ROBO2: variants seen among roughly 807,000 people sequenced by gnomAD.
ROBO2 encodes the protein roundabout guidance receptor 2.
In ROBO2, 53 loss-of-function variants were observed where a neutral mutation model predicts 160.8. The observed-to-expected ratio is 0.33, with a 90% CI of 0.26 to 0.41. The LOEUF (loss-of-function observed/expected upper bound fraction) is 0.41. ROBO2 is among the 10% of genes least tolerant of loss of function. The pLI, the probability that ROBO2 is intolerant of heterozygous loss-of-function variation, is 1.00. For synonymous variants in ROBO2, 664 were observed against 611.7 expected, an observed-to-expected ratio of 1.09 and a Z score of -1.26; for missense variants, 1,577 against 1,722.4, an observed-to-expected ratio of 0.92 and a Z score of 1.49.
intron 2 of ROBO2, among the ~76,000 whole-genome samples, chr3:76,074,262 C>T (rs1319353881): frequency 6.6e-6 from 1 of 152,188 alleles, no homozygotes; most frequent in East Asian, 1.9e-4. Flanking sequence ...GCTTCAGTTT[C>T]AGCAGATAAT....
At chr3:76,827,899 C>T (rs2066724975) in intron 2 of ROBO2, among the ~76,000 whole-genome samples, 1 of 152,042 alleles carries the variant, frequency 6.6e-6, no homozygotes, top group African/African-American at 2.4e-5. Flanking sequence ...TACATAACCA[C>T]TGAAGCAGAA....
intron 2 of ROBO2, among the ~76,000 whole-genome samples, chr3:76,201,424 C>G (rs1451988410): frequency 6.6e-6 from 1 of 152,132 alleles, no homozygotes; most frequent in Non-Finnish European, 1.5e-5. Context: ...AGGATGAAGA[C>G]TTACCTTAAG....
At chr3:77,521,506 G>A (rs2090594202) in intron 5 of ROBO2, among the ~76,000 whole-genome samples, 1 of 151,288 alleles carries the variant, frequency 6.6e-6, no homozygotes, top group African/African-American at 2.4e-5. Flanking sequence ...CACAATGAAA[G>A]TAGTGGATAA....
At chr3:76,261,383 A>G (rs1706752090) in intron 2 of ROBO2, among the ~76,000 whole-genome samples, 1 of 151,786 alleles carries the variant, frequency 6.6e-6, no homozygotes. Context: ...AATTTCTTAT[A>G]TGATTTTAAG....
At chr3:76,420,742 A>G (rs1350370454) in intron 2 of ROBO2, among the ~76,000 whole-genome samples, 2 of 152,230 alleles carry the variant, frequency 1.3e-5, no homozygotes, top group Non-Finnish European at 2.9e-5. Flanking sequence ...CTATTTTTAA[A>G]TTAAACATTT....
chr3:76,312,966 T>C (rs549735828), intron 2 of ROBO2, among the ~76,000 whole-genome samples: 5 of 152,216 alleles, frequency 3.3e-5, no homozygotes, highest in Non-Finnish European at 7.3e-5. Context: ...GTAAATCAAG[T>C]CTGAAATGTT....
intron 2 of ROBO2, among the ~76,000 whole-genome samples, chr3:76,745,013 G>T (rs753583776): frequency 6.6e-6 from 1 of 152,060 alleles, no homozygotes; most frequent in Non-Finnish European, 1.5e-5. Context: ...CTAATTCTAC[G>T]AATGTTCTGT....
At chr3:76,910,229 T>G (rs1559688531) in intron 2 of ROBO2, among the ~76,000 whole-genome samples, 1 of 152,146 alleles carries the variant, frequency 6.6e-6, no homozygotes, top group Non-Finnish European at 1.5e-5. Flanking sequence ...ATCTTTGAAA[T>G]TTATTAAGTC....
At chr3:77,383,063 AT>A (rs1288853846) in intron 2 of ROBO2, among the ~76,000 whole-genome samples, 2 of 152,178 alleles carry the variant, frequency 1.3e-5, no homozygotes, top group African/African-American at 4.8e-5. Flanking sequence ...AATAGAAACT[AT>A]TTGCATATGC....
chr3:77,489,197 G>T, intron 4 of ROBO2, among the ~76,000 whole-genome samples: 1 of 152,174 alleles, frequency 6.6e-6, no homozygotes, highest in Admixed American at 6.5e-5. Flanking sequence ...CCATGTTGAT[G>T]TGTCATGTAT....
chr3:76,234,801 C>T (rs1306811135), intron 2 of ROBO2, among the ~76,000 whole-genome samples: 1 of 152,070 alleles, frequency 6.6e-6, no homozygotes, highest in Non-Finnish European at 1.5e-5. Flanking sequence ...TTGTTCTTTC[C>T]AATTATCTTT....
At chr3:76,598,294 G>GT (rs943424775) in intron 2 of ROBO2, among the ~76,000 whole-genome samples, 12 of 151,760 alleles carry the variant, frequency 7.9e-5, no homozygotes, top group Non-Finnish European at 1.3e-4. Flanking sequence ...GAGGAAAGTG[G>GT]TTTTTTTTGT....
chr3:77,389,647 C>A (rs995375505), intron 2 of ROBO2, among the ~76,000 whole-genome samples: 11 of 151,538 alleles, frequency 7.3e-5, no homozygotes, highest in African/African-American at 2.7e-4. Context: ...CTTCTTCTTC[C>A]CTTTTTCCTT....
At chr3:76,842,030 G>A (rs879695060) in intron 2 of ROBO2, among the ~76,000 whole-genome samples, 1 of 152,186 alleles carries the variant, frequency 6.6e-6, no homozygotes, top group Non-Finnish European at 1.5e-5. Context: ...TCAGCAAGGG[G>A]AAAGTTGTGT....
At chr3:76,235,574 AG>A (rs1704891855) in intron 2 of ROBO2, among the ~76,000 whole-genome samples, 1 of 152,180 alleles carries the variant, frequency 6.6e-6, no homozygotes, top group Non-Finnish European at 1.5e-5. Context: ...ATTCTGAATT[AG>A]TATTGAAGAA....
chr3:76,075,882 T>C (rs2068631144), intron 2 of ROBO2, among the ~76,000 whole-genome samples: 1 of 152,224 alleles, frequency 6.6e-6, no homozygotes. Flanking sequence ...ATCAGGAAGA[T>C]ACAGTAACTT....
intron 2 of ROBO2, among the ~76,000 whole-genome samples, chr3:76,306,833 A>G (rs1443681739): frequency 6.6e-6 from 1 of 152,122 alleles, no homozygotes; most frequent in African/African-American, 2.4e-5. Flanking sequence ...GTCTCTTTCT[A>G]TTTATTCCCA....
At chr3:76,450,437 A>T (rs1055967596) in intron 2 of ROBO2, among the ~76,000 whole-genome samples, 13 of 152,178 alleles carry the variant, frequency 8.5e-5, no homozygotes, top group African/African-American at 2.9e-4. Context: ...TTTTAAAGTA[A>T]AATATTTTTA....
chr3:77,217,256 C>T (rs1289049350), intron 2 of ROBO2, among the ~76,000 whole-genome samples: 1 of 152,098 alleles, frequency 6.6e-6, no homozygotes, highest in African/African-American at 2.4e-5. Context: ...AATTCTCCTA[C>T]CTCAGCCTCC....
Sources: allele counts gnomAD v4.1 joint callset (sites outside exome capture counted in the v4.1 genomes callset), GRCh38; gene constraint gnomAD v4.1.1; transcripts MANE v1.5; gene names NCBI Gene and HGNC (gene_info 2026-07-23, HGNC 2026-07-21).